The following TOPAZ1 variants were observed in gnomAD, a reference collection of about 807,000 sequenced individuals.
The protein encoded by TOPAZ1 is testis and ovary specific TOPAZ 1, also known as protein TOPAZ1.
Under a neutral mutation model 172.2 loss-of-function variants are expected in TOPAZ1, and 66 were observed. That is an observed-to-expected ratio of 0.38 (90% CI 0.31 to 0.47). The LOEUF is 0.47. Ranked by LOEUF, TOPAZ1 falls within the 20% of genes least tolerant of loss-of-function variation. The pLI, the probability that TOPAZ1 is intolerant of heterozygous loss-of-function variation, is 0.99. For synonymous variants in TOPAZ1, 681 were observed against 683.9 expected, an observed-to-expected ratio of 1.00 and a Z score of 0.07; for missense variants, 1,822 against 1,972.4, an observed-to-expected ratio of 0.92 and a Z score of 1.44.
chr3:44,303,937 A>T lies in TOPAZ1; in HGVS notation c.3798-78A>T, dbSNP rs1575729039. ...TTTTTCTTCTGGTTTCTTATAAACC[A>T]TAGGACAGATTAATTAGAAGCAGCA... is the stretch of plus-strand genomic sequence containing the variant. On this transcript the variant is annotated intron_variant, in intron 12 of 19. Coordinates refer to ENST00000309765, the MANE Select transcript of TOPAZ1 (RefSeq NM_001145030.2). The T allele has an allele frequency of 3.6e-6, 3 of 823,912 alleles. No homozygotes were observed. In the East Asian group the frequency reaches 8.2e-5, roughly 23 times the overall value. 51.0% of individuals were successfully genotyped at this position (823,912 alleles called of 1,614,324 possible).
chr3:44,310,136 G>A (rs939979464), intron 16 of TOPAZ1, 146 bp downstream of exon 16: 35 of 678,918 alleles, frequency 5.2e-5, no homozygotes, highest in Non-Finnish European at 7.7e-5. Flanking sequence ...AGGTTGTCAT[G>A]TAAACTGAAA....
Position 44,244,623 on chromosome 3 carries a change from C to T in TOPAZ1, c.2117C>T (p.Ser706Leu). The stretch of plus-strand genomic sequence containing the variant: ...AAAAGAAAAGAAGTAAATGCCAAGT[C>T]ATCAGAGAGAGAAGCTTACAGTCCT... ...SEKRKEVNAK[S>L]SEREAYSPLE... The change falls in exon 2 of 20, where the codon TCA becomes TTA. Residue 706 changes from serine (S) to leucine (L), a missense_variant. By Grantham distance (145) the Ser-to-Leu change is moderately radical. Around this residue, in one of 2 missense-constraint regions of TOPAZ1, gnomAD observed 1,489 missense variants for 1,490.8 expected, o/e 1.00. Coordinates refer to ENST00000309765, the MANE Select transcript of TOPAZ1 (RefSeq NM_001145030.2). The T allele has an allele frequency of 6.4e-7, 1 of 1,551,270 alleles. No individual in the cohort carries two copies. The highest frequency in any genetic ancestry group is 8.7e-7 in the Non-Finnish European group (1 of 1,146,926).
chr3:44,263,758 G>A (rs1181255397), intron 5 of TOPAZ1, among the ~76,000 whole-genome samples: 2 of 152,134 alleles, frequency 1.3e-5, no homozygotes, highest in Non-Finnish European at 2.9e-5. Flanking sequence ...GAATGTTGGT[G>A]TAAACCTCTC....
intron 9 of TOPAZ1, among the ~76,000 whole-genome samples, chr3:44,284,184 T>C (rs1249043864): frequency 6.6e-6 from 1 of 152,220 alleles, no homozygotes; most frequent in Non-Finnish European, 1.5e-5. Flanking sequence ...ATTAAGTACA[T>C]TCAATGTTGT....
intron 8 of TOPAZ1, among the ~76,000 whole-genome samples, chr3:44,280,056 T>G (rs1559535423): frequency 6.6e-6 from 1 of 152,184 alleles, no homozygotes; most frequent in Non-Finnish European, 1.5e-5. Flanking sequence ...GTAGGGCTGG[T>G]GTAGTGGTGA....
chr3:44,303,107 T>G (rs1274344596), intron 12 of TOPAZ1, among the ~76,000 whole-genome samples: 3 of 152,224 alleles, frequency 2.0e-5, no homozygotes, highest in African/African-American at 7.2e-5. Flanking sequence ...TGCTGAAATT[T>G]CTGGTGTGAG....
chr3:44,328,619 T>A (rs1700629736), intron 19 of TOPAZ1, among the ~76,000 whole-genome samples, 186 bp downstream of exon 19: 1 of 152,194 alleles, frequency 6.6e-6, no homozygotes, highest in Non-Finnish European at 1.5e-5. Context: ...ATTAGACCTG[T>A]TTGAGGCTTA....
At chr3:44,321,674 A>C (rs774940460) in intron 17 of TOPAZ1, among the ~76,000 whole-genome samples, 4 of 152,204 alleles carry the variant, frequency 2.6e-5, no homozygotes, top group Admixed American at 2.6e-4. Flanking sequence ...GTCAAGAATG[A>C]GCTATGTGAT....
chr3:44,270,861 G>A (rs1699888426), intron 8 of TOPAZ1, 51 bp downstream of exon 8: 2 of 1,445,794 alleles, frequency 1.4e-6, no homozygotes, highest in Non-Finnish European at 1.8e-6. Flanking sequence ...AACTATCTCA[G>A]TCATGCATTT....
At chr3:44,293,136 T>G (rs1361677166) in intron 12 of TOPAZ1, among the ~76,000 whole-genome samples, 2 of 152,204 alleles carry the variant, frequency 1.3e-5, no homozygotes, top group African/African-American at 4.8e-5. Context: ...CATATGTTTG[T>G]GGTGATACTA....
intron 12 of TOPAZ1, among the ~76,000 whole-genome samples, chr3:44,293,421 A>G (rs1023653143): frequency 1.3e-5 from 2 of 152,238 alleles, no homozygotes; most frequent in African/African-American, 4.8e-5. Context: ...TAGACCTTCC[A>G]GGGAGACAAG....
intron 2 of TOPAZ1, among the ~76,000 whole-genome samples, chr3:44,246,294 AC>A (rs1279354605): frequency 6.6e-6 from 1 of 152,192 alleles, no homozygotes; most frequent in Non-Finnish European, 1.5e-5. Context: ...GTCATATTTT[AC>A]TTAATTTTAT....
At position 44,305,820 on chromosome 3, in the gene TOPAZ1, G is replaced by C. The variant is rs556470145; in HGVS notation, c.4039+499G>C. ...TTCTGAATTTTTCCATCTATTTATT[G>C]TTAGATTATGGTAAAAGGTCAAGAA... On this transcript the variant is annotated intron_variant, in intron 14 of 19. Transcript: ENST00000309765. Among the ~76,000 whole-genome samples the C allele has an allele frequency of 2.1e-4, 32 of 152,204 alleles. 1 individual carries two copies. The highest frequency in any genetic ancestry group is 2.0e-3 in the Admixed American group (30 of 15,290).
Position 44,243,904 on chromosome 3 carries a change from T to A in TOPAZ1, c.1398T>A (p.Ser466=). ...ATGAGTACCATATTGAAAGGAGATC[T>A]TCACGGGAAGACTTAAGAAGTGCAT... ...SPNEYHIERR[S]SREDLRSASE... Residue 466 remains serine (S), a synonymous_variant, in exon 2 of 20, where the codon TCT becomes TCA. Transcript: ENST00000309765. The A allele has an allele frequency of 6.4e-7, 1 of 1,552,274 alleles. No individual in the cohort carries two copies. Among genetic ancestry groups the A allele is most frequent in the Non-Finnish European group, 8.7e-7 (1 of 1,147,086 alleles).
rs1453774763 is a variant in TOPAZ1 at position 44,304,008 on chromosome 3, G to T, written c.3798-7G>T. ...ATAGTATAATTAACTCTTTTCTTTTGTTAAAGGTTACAGATGAGACGATTT... is the reference window on the plus strand; with the variant it reads ...ATAGTATAATTAACTCTTTTCTTTTTTTAAAGGTTACAGATGAGACGATTT... On this transcript the variant is annotated splice_polypyrimidine_tract_variant and splice_region_variant and intron_variant, in intron 12 of 19. Coordinates refer to ENST00000309765, the MANE Select transcript of TOPAZ1 (RefSeq NM_001145030.2). 3 of 1,518,624 alleles carry T rather than the reference G, an allele frequency of 2.0e-6. No homozygotes were observed. The allele number at this position is 1,518,624 out of a possible 1,614,324, so 94.1% of individuals were successfully genotyped here. A position where few individuals can be genotyped will look rare whatever the true frequency, so the allele number is the denominator to read the frequency against.
chr3:44,296,534 CTTG>C (rs1489285773), intron 12 of TOPAZ1, among the ~76,000 whole-genome samples: 4 of 151,534 alleles, frequency 2.6e-5, no homozygotes, highest in African/African-American at 9.7e-5. Flanking sequence ...CCTTGAACAA[CTTG>C]ACATAAACTC....
intron 2 of TOPAZ1, among the ~76,000 whole-genome samples, chr3:44,252,768 C>T (rs921545020): frequency 3.3e-5 from 5 of 152,014 alleles, no homozygotes; most frequent in Non-Finnish European, 7.4e-5. Context: ...TGTATGTGAG[C>T]CCCACCTTGT....
At chr3:44,255,174 C>T in intron 3 of TOPAZ1, 145 bp downstream of exon 3, 1 of 491,104 alleles carries the variant, frequency 2.0e-6, no homozygotes, top group Non-Finnish European at 3.6e-6. Context: ...GTCAATTTTC[C>T]TGTTTTAATT....
intron 8 of TOPAZ1, among the ~76,000 whole-genome samples, chr3:44,281,656 A>G (rs1470214622): frequency 6.6e-6 from 1 of 152,198 alleles, no homozygotes; most frequent in Non-Finnish European, 1.5e-5. Context: ...CCGCTACACT[A>G]CAGTGATACC....
Sources: gnomAD v4.1 joint callset for allele counts (sites outside exome capture counted in the v4.1 genomes callset) on GRCh38, gnomAD v4.1.1 for gene constraint, gnomAD v4.1.1 regional missense constraint, MANE v1.5 for transcripts, NCBI Gene and HGNC (gene_info 2026-07-23, HGNC 2026-07-21) for gene names.